DPP10: variants seen among roughly 807,000 people sequenced by gnomAD.
DPP10 encodes inactive dipeptidyl peptidase 10.
Under a neutral mutation model 120.9 loss-of-function variants are expected in DPP10, and 33 were observed. The ratio of observed to expected loss-of-function variants is 0.27; its 90% CI spans 0.21 to 0.37. DPP10 has a LOEUF of 0.37. Among genes scored for constraint, DPP10 ranks in the 10% least tolerant of loss-of-function variants. DPP10 has a pLI of 1.00. For synonymous variants in DPP10, 337 were observed against 326.1 expected (o/e 1.03, Z -0.36); for missense variants, 816 against 942.8 (o/e 0.87, Z 1.76).
chr2:115,788,091 G>T (rs926079479), intron 17 of DPP10, among the ~76,000 whole-genome samples: 1 of 151,996 alleles, frequency 6.6e-6, no homozygotes, highest in Non-Finnish European at 1.5e-5. Flanking sequence ...ATAACAAATT[G>T]ATCAATAAAA....
At chr2:115,823,965 A>G (rs867578256) in intron 21 of DPP10, among the ~76,000 whole-genome samples, 8 of 152,128 alleles carry the variant, frequency 5.3e-5, no homozygotes, top group African/African-American at 9.7e-5. Flanking sequence ...TTTTCTTTAC[A>G]CTCACTAATA....
At chr2:115,044,796 C>T (rs1310796977) in intron 1 of DPP10, among the ~76,000 whole-genome samples, 1 of 152,148 alleles carries the variant, frequency 6.6e-6, no homozygotes, top group African/African-American at 2.4e-5. Flanking sequence ...TGTCTGATAA[C>T]TATCATTCTA....
chr2:115,550,448 C>T (rs889585310), intron 5 of DPP10, among the ~76,000 whole-genome samples: 3 of 152,062 alleles, frequency 2.0e-5, no homozygotes, highest in African/African-American at 7.2e-5. Context: ...AAAATGTGCT[C>T]AAAACCATGT....
intron 19 of DPP10, among the ~76,000 whole-genome samples, chr2:115,791,778 T>G (rs1417216110): frequency 6.6e-6 from 1 of 152,202 alleles, no homozygotes; most frequent in Admixed American, 6.5e-5. Flanking sequence ...GCTCCTATGC[T>G]CAGAAAACTT....
At chr2:115,326,229 T>G (rs1016169205) in intron 2 of DPP10, among the ~76,000 whole-genome samples, 5 of 152,068 alleles carry the variant, frequency 3.3e-5, no homozygotes, top group African/African-American at 4.8e-5. Flanking sequence ...TCATATATAT[T>G]GGTGGTCCCA....
chr2:115,294,469 T>A (rs2060795826), intron 1 of DPP10, among the ~76,000 whole-genome samples: 1 of 152,068 alleles, frequency 6.6e-6, no homozygotes, highest in East Asian at 1.9e-4. Context: ...AATTTACATC[T>A]AGAAGTACTG....
intron 1 of DPP10, among the ~76,000 whole-genome samples, chr2:114,557,470 A>G (rs1362823268): frequency 1.3e-5 from 2 of 152,160 alleles, no homozygotes; most frequent in Non-Finnish European, 2.9e-5. Flanking sequence ...TTCCACATAA[A>G]TGGCTTCAGA....
intron 19 of DPP10, among the ~76,000 whole-genome samples, chr2:115,797,933 A>G (rs201716774): frequency 7.6e-4 from 107 of 139,990 alleles, no homozygotes; most frequent in Non-Finnish European, 1.3e-3. Flanking sequence ...ATATATATAT[A>G]TGTGTATATA....
intron 1 of DPP10, among the ~76,000 whole-genome samples, chr2:114,679,097 C>T (rs564554141): frequency 2.6e-5 from 4 of 152,116 alleles, no homozygotes; most frequent in Admixed American, 2.0e-4. Context: ...AATTTTCAGA[C>T]AAGTTCTGAT....
chr2:114,533,117 G>A (rs1397888672), intron 1 of DPP10, among the ~76,000 whole-genome samples: 1 of 152,132 alleles, frequency 6.6e-6, no homozygotes, highest in Admixed American at 6.5e-5. Flanking sequence ...TAAAAAGTTG[G>A]TATGAGGTGT....
intron 1 of DPP10, among the ~76,000 whole-genome samples, chr2:114,629,959 T>A (rs1694798180): frequency 6.6e-6 from 1 of 152,220 alleles, no homozygotes; most frequent in South Asian, 2.1e-4. Context: ...TCTATATAAA[T>A]AAATCTTTAA....
At chr2:114,564,438 C>CA (rs1439052617) in intron 1 of DPP10, among the ~76,000 whole-genome samples, 1 of 152,096 alleles carries the variant, frequency 6.6e-6, no homozygotes, top group African/African-American at 2.4e-5. Context: ...TGTCTGATGG[C>CA]AAAGCACCTA....
intron 5 of DPP10, among the ~76,000 whole-genome samples, 195 bp from the exon 6 acceptor site, chr2:115,689,491 CA>C (rs1368940475): frequency 2.6e-5 from 4 of 151,916 alleles, no homozygotes; most frequent in Non-Finnish European, 4.4e-5. Context: ...ATTAAATAAG[CA>C]ATGGAATTGA....
At chr2:115,682,134 T>C (rs2090704548) in intron 5 of DPP10, among the ~76,000 whole-genome samples, 1 of 151,966 alleles carries the variant, frequency 6.6e-6, no homozygotes, top group African/African-American at 2.4e-5. Flanking sequence ...AGTTTATAGC[T>C]AGTGAGACAA....
chr2:115,076,149 G>C (rs1383053206), intron 1 of DPP10, among the ~76,000 whole-genome samples: 1 of 151,550 alleles, frequency 6.6e-6, no homozygotes, highest in Non-Finnish European at 1.5e-5. Context: ...TAAAGTTTAT[G>C]GTGAAATATA....
At chr2:115,718,711 TA>T (rs1186732042) in intron 7 of DPP10, among the ~76,000 whole-genome samples, 4 of 152,190 alleles carry the variant, frequency 2.6e-5, no homozygotes, top group African/African-American at 9.7e-5. Flanking sequence ...TAAGATCTTG[TA>T]TTTTTTTAAT....
At chr2:114,615,167 T>C (rs1301485343) in intron 1 of DPP10, among the ~76,000 whole-genome samples, 1 of 152,178 alleles carries the variant, frequency 6.6e-6, no homozygotes, top group Non-Finnish European at 1.5e-5. Flanking sequence ...CTTCTTTTTG[T>C]TTGCTGTTTT....
chr2:114,694,820 A>G (rs144560666), intron 1 of DPP10, among the ~76,000 whole-genome samples: 1,548 of 152,132 alleles, frequency 0.01, 21 homozygotes, highest in African/African-American at 0.035. Context: ...AAGTCTCAAC[A>G]GACTGGTAAA....
intron 1 of DPP10, chr2:115,064,823 A>T (rs1559051305): frequency 7.7e-7 from 1 of 1,303,960 alleles, no homozygotes; most frequent in Admixed American, 2.3e-5. Flanking sequence ...GATGCTACCT[A>T]GGTTTGTTTA....
Sources: gnomAD v4.1 joint callset for allele counts (sites outside exome capture counted in the v4.1 genomes callset) on GRCh38, gnomAD v4.1.1 for gene constraint, MANE v1.5 for transcripts, NCBI Gene and HGNC (gene_info 2026-07-23, HGNC 2026-07-21) for gene names.